Variants in RMDN2 observed in about 807,000 individuals in gnomAD.
The protein encoded by RMDN2 is regulator of microtubule dynamics protein 2.
Under a neutral mutation model 52.8 loss-of-function variants are expected in RMDN2, and 61 were observed. The ratio of observed to expected loss-of-function variants is 1.16; its 90% CI spans 0.94 to 1.43. The LOEUF (loss-of-function observed/expected upper bound fraction) is 1.43, where lower values mean the gene tolerates loss of function less well. Among genes scored for constraint, RMDN2 ranks in the 40% most tolerant of loss-of-function variants. The pLI is 0.00. For synonymous variants in RMDN2, 180 were observed against 153.1 expected (o/e 1.18, Z -1.30); for missense variants, 592 against 475.3 (o/e 1.25, Z -2.28).
intron 2 of RMDN2, 99 bp downstream of exon 2, chr2:37,929,828 G>C (rs1321829808): frequency 2.7e-6 from 2 of 750,538 alleles, no homozygotes; most frequent in Non-Finnish European, 4.2e-6. Context: ...ATATCCTGCT[G>C]CTCACATAAA....
At chr2:37,946,626 A>G (rs1422418795) in intron 2 of RMDN2, among the ~76,000 whole-genome samples, 6 of 152,182 alleles carry the variant, frequency 3.9e-5, no homozygotes, top group Non-Finnish European at 7.4e-5. Context: ...GAGGGAATTA[A>G]CTAGAAACAT....
intron 10 of RMDN2, among the ~76,000 whole-genome samples, chr2:38,011,576 T>C (rs2125228053): frequency 6.6e-6 from 1 of 152,302 alleles, no homozygotes; most frequent in South Asian, 2.1e-4. Context: ...CCTGTTGCCT[T>C]CTAGGAGCCT....
intron 10 of RMDN2, among the ~76,000 whole-genome samples, chr2:38,059,617 G>A (rs999758852): frequency 2.0e-5 from 3 of 152,188 alleles, no homozygotes; most frequent in African/African-American, 7.2e-5. Flanking sequence ...TAGGCATGTC[G>A]AGGGAGCTTG....
chr2:38,049,390 G>A (rs566697645), intron 10 of RMDN2, among the ~76,000 whole-genome samples: 25 of 152,274 alleles, frequency 1.6e-4, no homozygotes, highest in African/African-American at 5.3e-4. Flanking sequence ...CTGTGTCCTC[G>A]GAGATGGCAC....
chr2:37,930,934 C>T (rs538502251), intron 2 of RMDN2, among the ~76,000 whole-genome samples: 18 of 152,318 alleles, frequency 1.2e-4, no homozygotes, highest in Non-Finnish European at 2.6e-4. Flanking sequence ...GGGTCTGTCT[C>T]TGGCAGGGCA....
intron 10 of RMDN2, among the ~76,000 whole-genome samples, chr2:38,005,663 T>A (rs1263806976): frequency 6.6e-6 from 1 of 152,238 alleles, no homozygotes; most frequent in Non-Finnish European, 1.5e-5. Context: ...GCCGGTTCAC[T>A]CTGTTGGTAG....
chr2:37,951,532 G>T (rs138276197), intron 2 of RMDN2: 1 of 1,612,174 alleles, frequency 6.2e-7, no homozygotes, highest in Non-Finnish European at 8.5e-7. Context: ...GAAGACACAG[G>T]CTTCACTGAT....
chr2:37,933,252 A>G (rs1256132779), intron 2 of RMDN2, among the ~76,000 whole-genome samples: 1 of 144,654 alleles, frequency 6.9e-6, no homozygotes, highest in East Asian at 2.1e-4. Flanking sequence ...CCTAGATGGG[A>G]TGGCGGCCGG....
At chr2:37,956,696 T>C (rs550581951) in intron 2 of RMDN2, among the ~76,000 whole-genome samples, 25 of 152,226 alleles carry the variant, frequency 1.6e-4, no homozygotes, top group African/African-American at 6.0e-4. Flanking sequence ...CTGGGATACA[T>C]GTGCAGAAGT....
intron 10 of RMDN2, among the ~76,000 whole-genome samples, chr2:38,058,220 A>C (rs777662985): frequency 5.9e-5 from 9 of 152,240 alleles, no homozygotes; most frequent in Non-Finnish European, 1.3e-4. Context: ...AACCCAGGTC[A>C]GTGTGAGTCA....
chr2:38,057,090 A>C (rs1681879689), intron 10 of RMDN2, among the ~76,000 whole-genome samples: 1 of 152,226 alleles, frequency 6.6e-6, no homozygotes, highest in Admixed American at 6.5e-5. Context: ...GAAATGATGT[A>C]CATAGAAGTG....
intron 10 of RMDN2, among the ~76,000 whole-genome samples, chr2:38,042,022 T>C (rs548885907): frequency 5.3e-4 from 81 of 152,318 alleles, no homozygotes; most frequent in African/African-American, 1.8e-3. Context: ...AGAAAATTGG[T>C]ATAATTTTTT....
chr2:37,955,239 G>C (rs1012937196), intron 2 of RMDN2, among the ~76,000 whole-genome samples: 2 of 152,108 alleles, frequency 1.3e-5, no homozygotes, highest in African/African-American at 4.8e-5. Flanking sequence ...ATGTCGAACA[G>C]AAGTGATAAA....
chr2:37,928,895 A>G (rs779512212), intron 1 of RMDN2: 10 of 154,106 alleles, frequency 6.5e-5, no homozygotes, highest in Non-Finnish European at 1.4e-4. Context: ...CTATTTGCCC[A>G]TCTGTTCTTT....
intron 10 of RMDN2, among the ~76,000 whole-genome samples, chr2:38,013,506 T>A (rs1268048577): frequency 6.6e-6 from 1 of 152,238 alleles, no homozygotes; most frequent in African/African-American, 2.4e-5. Flanking sequence ...AGTGGTATAG[T>A]TGTCTTTGAA....
At chr2:37,972,876 T>G (rs1671987940) in intron 2 of RMDN2, among the ~76,000 whole-genome samples, 1 of 152,218 alleles carries the variant, frequency 6.6e-6, no homozygotes, top group Non-Finnish European at 1.5e-5. Flanking sequence ...GAGTAGAGTT[T>G]CCGTTAGTAA....
chr2:38,066,955 C>T, intron 10 of RMDN2: 3 of 1,613,374 alleles, frequency 1.9e-6, no homozygotes, highest in Non-Finnish European at 1.7e-6. Context: ...GCAATTTTTA[C>T]TTCTTTTCCT....
intron 8 of RMDN2, among the ~76,000 whole-genome samples, chr2:38,000,416 CTA>C (rs1676156838): frequency 6.6e-6 from 1 of 152,154 alleles, no homozygotes; most frequent in African/African-American, 2.4e-5. Flanking sequence ...ACTTATATAC[CTA>C]TGTAACCACC....
intron 10 of RMDN2, among the ~76,000 whole-genome samples, chr2:38,039,093 C>CAGAG (rs149752868): frequency 6.5e-5 from 6 of 91,688 alleles, no homozygotes; most frequent in East Asian, 2.0e-4. Flanking sequence ...CACACACACA[C>CAGAG]AGAGAGAGAG....
Sources: gnomAD v4.1 joint callset for allele counts (sites outside exome capture counted in the v4.1 genomes callset) on GRCh38, gnomAD v4.1.1 for gene constraint, MANE v1.5 for transcripts, NCBI Gene and HGNC (gene_info 2026-07-23, HGNC 2026-07-21) for gene names.